The following CPAMD8 variants were observed in gnomAD, a reference collection of about 807,000 sequenced individuals.
CPAMD8 encodes the protein C3 and PZP like alpha-2-macroglobulin domain containing 8.
A neutral mutation model predicts 224.7 loss-of-function variants in CPAMD8; 146 were observed. The ratio of observed to expected loss-of-function variants is 0.65; its 90% CI spans 0.57 to 0.75. The LOEUF is 0.75. Ranked by LOEUF, CPAMD8 falls within the 30% of genes least tolerant of loss-of-function variation. The pLI is 0.00. For synonymous variants in CPAMD8, 966 were observed against 1,044.6 expected (o/e 0.92, Z 1.45); for missense variants, 2,301 against 2,537.5 (o/e 0.91, Z 2.00).
Position 16,893,250 on chromosome 19 carries a change from G to A in CPAMD8, c.5516C>T (p.Thr1839Ile). The stretch of plus-strand genomic sequence containing the variant: ...GCCACTATGTCTCTGAGGGGCCGGA[G>A]TCTGGCCCCATCTGTGGAACGGGCT... ...SASPFHRWGQ[T>I]PAPQRHSGRV... is the part of the protein sequence containing the mutation. Residue 1839 changes from threonine (T) to isoleucine (I), a missense_variant, in exon 42 of 42, where the codon ACT becomes ATT. This residue lies in a region of CPAMD8 where 1,709 missense variants were observed against 1,753.2 expected (regional missense o/e 0.97). Coordinates refer to ENST00000443236, the MANE Select transcript of CPAMD8 (RefSeq NM_015692.5). 2 of 1,573,712 alleles carry A rather than the reference G, an allele frequency of 1.3e-6. No individual in the cohort carries two copies. The highest frequency in any genetic ancestry group is 1.7e-6 in the Non-Finnish European group (2 of 1,158,560).
At chr19:16,924,228 G>A (rs1459480483) in intron 26 of CPAMD8, among the ~76,000 whole-genome samples, 2 of 151,360 alleles carry the variant, frequency 1.3e-5, no homozygotes, top group African/African-American at 4.9e-5. Flanking sequence ...TTTTGTTGTG[G>A]CAGTTTTAGG....
At chr19:16,977,970 G>A (rs2055342545) in intron 14 of CPAMD8, among the ~76,000 whole-genome samples, 2 of 152,140 alleles carry the variant, frequency 1.3e-5, no homozygotes, top group Admixed American at 1.3e-4. Flanking sequence ...GACCTGGGCA[G>A]CCATTATTTG....
intron 13 of CPAMD8, among the ~76,000 whole-genome samples, chr19:16,983,399 AAAATAAATAAAT>A (rs55638415): frequency 8.0e-5 from 12 of 150,272 alleles, no homozygotes; most frequent in African/African-American, 2.2e-4. Flanking sequence ...ACTCCATCTC[AAAATAAATAAAT>A]AAATAAATAA....
chr19:16,996,819 A>G, intron 11 of CPAMD8, among the ~76,000 whole-genome samples: 1 of 6,544 alleles, frequency 1.5e-4, no homozygotes, highest in South Asian at 1.4e-3. Flanking sequence ...ACTATCTCTA[A>G]AAAAAAAAAA....
rs1232037983 is a variant in CPAMD8, at chr19:16,916,345, C to T, written c.3630-1532G>A. On this transcript the variant is annotated intron_variant, in intron 27 of 41. Coordinates refer to ENST00000443236, the MANE Select transcript of CPAMD8 (RefSeq NM_015692.5). ...CTGCCTCTCAGGGTCAAGCAATTCT[C>T]GTGCCTCAGCCTCCTGAGTAGCTGG... Among the ~76,000 whole-genome samples the T allele has an allele frequency of 3.3e-5, 5 of 151,990 alleles. No homozygotes were observed. In the South Asian group the frequency reaches 8.3e-4, roughly 25 times the overall value.
At chr19:16,959,598 T>C (rs1473588743) in intron 18 of CPAMD8, among the ~76,000 whole-genome samples, 1 of 151,816 alleles carries the variant, frequency 6.6e-6, no homozygotes, top group African/African-American at 2.4e-5. Flanking sequence ...TGGAGTGCAA[T>C]GGCACAATCT....
intron 23 of CPAMD8, among the ~76,000 whole-genome samples, chr19:16,934,101 T>G (rs1193070208): frequency 6.6e-6 from 1 of 152,172 alleles, no homozygotes; most frequent in Non-Finnish European, 1.5e-5. Context: ...ATGATTCCAT[T>G]TATATAACAT....
At chr19:16,934,317 T>C (rs2145002273) in intron 23 of CPAMD8, among the ~76,000 whole-genome samples, 1 of 152,336 alleles carries the variant, frequency 6.6e-6, no homozygotes, top group South Asian at 2.1e-4. Context: ...GTGTAATTTA[T>C]TGTATGTCAA....
intron 2 of CPAMD8, 114 bp downstream of exon 2, chr19:17,021,916 T>G (rs2056967946): frequency 1.0e-6 from 1 of 956,792 alleles, no homozygotes; most frequent in Non-Finnish European, 1.5e-6. Flanking sequence ...CCCTGGGGAT[T>G]TAGGGCAGAA....
intron 18 of CPAMD8, among the ~76,000 whole-genome samples, chr19:16,968,143 G>A (rs1050340829): frequency 2.0e-5 from 3 of 152,014 alleles, no homozygotes; most frequent in African/African-American, 7.2e-5. Flanking sequence ...AGGGCCTCTG[G>A]GGTGGCTGCC....
In CPAMD8 at chr19:16,977,369, T is replaced by C. The variant is rs568797211; in HGVS notation, c.1757A>G (p.Gln586Arg). ...CAGGTTCAGTGCACGATGCTCTACC[T>C]GGTTTTCGAAGAAGGTCTCGACTGC... The part of the protein sequence containing the change: ...QFAVETFFEN[Q>R]VSVTYSANET... Residue 586 changes from glutamine to arginine, a missense_variant and splice_region_variant, in exon 15 of 42, where the codon CAG (glutamine) becomes CGG (arginine). Around this residue, in one of 4 missense-constraint regions of CPAMD8, gnomAD observed 301 missense variants for 406.6 expected, o/e 0.74. Coordinates refer to ENST00000443236, the MANE Select transcript of CPAMD8 (RefSeq NM_015692.5). The C allele has an allele frequency of 9.9e-6, 16 of 1,608,228 alleles. No individual in the cohort carries two copies. The South Asian group carries it at 1.4e-4, about 14-fold the overall frequency.
chr19:16,985,533 A>G (rs1432856587), intron 13 of CPAMD8, among the ~76,000 whole-genome samples: 1 of 145,534 alleles, frequency 6.9e-6, no homozygotes, highest in Non-Finnish European at 1.5e-5. Context: ...GGATAGGGGT[A>G]GTGGGTGGAT....
chr19:16,951,360 G>A (rs1025105258), intron 20 of CPAMD8, among the ~76,000 whole-genome samples: 20 of 151,974 alleles, frequency 1.3e-4, no homozygotes, highest in Non-Finnish European at 2.6e-4. Flanking sequence ...AAATGGTTAG[G>A]AGGAAAAAAA....
chr19:16,914,399 C>G (rs183320404), intron 29 of CPAMD8, 25 bp downstream of exon 29: 2 of 1,608,352 alleles, frequency 1.2e-6, no homozygotes, highest in South Asian at 1.1e-5. Context: ...AGCCCCGAGT[C>G]TCCCCAAACC....
intron 25 of CPAMD8, 36 bp downstream of exon 25, chr19:16,927,973 C>G (rs752415164): frequency 1.3e-6 from 2 of 1,502,796 alleles, no homozygotes; most frequent in Non-Finnish European, 1.9e-6. Context: ...CTCTTGCCCC[C>G]TGACCTCTCC....
chr19:16,970,987 C>A lies in CPAMD8; in HGVS notation c.2117G>T (p.Arg706Leu), dbSNP rs777970187. The A allele has an allele frequency of 5.0e-6, 8 of 1,613,214 alleles. No homozygotes were observed. Among genetic ancestry groups the A allele is most frequent in the Admixed American group, 3.3e-5 (2 of 59,912 alleles). The change falls in exon 18 of 42, where the codon CGG becomes CTG. Residue 706 changes from arginine to leucine, a missense_variant. Transcript: ENST00000443236. ...ATCGGTGTAGAGGCCACCGTCCTGC[C>A]GGTGGTTCAGGCTCACTCGGTCGGT... ...VMTDRVSLNH[R>L]QDGGLYTDEA...
At chr19:16,947,581 C>T (rs191053112) in intron 20 of CPAMD8, among the ~76,000 whole-genome samples, 5 of 152,310 alleles carry the variant, frequency 3.3e-5, no homozygotes, top group Non-Finnish European at 5.9e-5. Context: ...ATGGATGTAA[C>T]CTCTCCCACA....
chr19:16,914,124 C>A (rs1278140992), intron 29 of CPAMD8, among the ~76,000 whole-genome samples: 2 of 152,144 alleles, frequency 1.3e-5, no homozygotes, highest in Non-Finnish European at 2.9e-5. Flanking sequence ...TGAAATGATT[C>A]TCTGAAGGAG....
chr19:16,901,157 C>T, intron 36 of CPAMD8, 53 bp downstream of exon 36: 1 of 1,331,596 alleles, frequency 7.5e-7, no homozygotes, highest in Non-Finnish European at 1.1e-6. Flanking sequence ...TGCCTAAGCC[C>T]TACCTATTGT....
Sources: gnomAD v4.1 joint callset for allele counts (sites outside exome capture counted in the v4.1 genomes callset) on GRCh38, gnomAD v4.1.1 for gene constraint, gnomAD v4.1.1 regional missense constraint, MANE v1.5 for transcripts, NCBI Gene and HGNC (gene_info 2026-07-23, HGNC 2026-07-21) for gene names.